The following CYTH2 variants were observed in gnomAD, a reference collection of about 807,000 sequenced individuals.
CYTH2 encodes the protein cytohesin-2.
In CYTH2, 24 loss-of-function variants were observed where a neutral mutation model predicts 55.4. The observed-to-expected ratio is 0.43, with a 90% CI of 0.31 to 0.61. The LOEUF (loss-of-function observed/expected upper bound fraction) is 0.61. CYTH2 is among the 20% of genes least tolerant of loss of function. The probability of loss-of-function intolerance (pLI) is 0.08; values close to 1 mark genes in which losing one functional copy is unlikely to be tolerated. For synonymous variants in CYTH2, 221 were observed against 209.6 expected (o/e 1.05, Z -0.47); for missense variants, 378 against 533.5 (o/e 0.71, Z 2.87).
chr19:48,471,357 G>C (rs1971788956), intron 3 of CYTH2, among the ~76,000 whole-genome samples: 1 of 152,082 alleles, frequency 6.6e-6, no homozygotes, highest in Admixed American at 6.5e-5. Context: ...TCACCATGTT[G>C]GCCAGGCTGC....
Position 48,474,156 on chromosome 19 carries a change from G to A in CYTH2, c.548-26G>A, listed in dbSNP as rs181597580. 8.9e-5 allele frequency: 139 copies of A among 1,562,038 alleles called. No individual in the cohort carries two copies. Among genetic ancestry groups the A allele is most frequent in the Admixed American group, 2.4e-4 (13 of 53,588 alleles). On this transcript the variant is annotated intron_variant, in intron 6 of 11. Transcript: ENST00000452733. This position sits in a 1 kb window ranked among gnomAD's most constrained non-coding sequence, Gnocchi z 4.9. ...CACTGGGGACTGACATGCCTGGGTC[G>A]TCACCACCTGCCCTGTCCGGTGCAG... is the stretch of plus-strand genomic sequence containing the variant.
chr19:48,478,001 C>G, intron 8 of CYTH2, 68 bp from the exon 9 acceptor site: 1 of 1,327,190 alleles, frequency 7.5e-7, no homozygotes, highest in South Asian at 1.2e-5. Flanking sequence ...CTTCTCACGC[C>G]CCTCCCATCT....
intron 4 of CYTH2, 55 bp from the exon 5 acceptor site, chr19:48,473,243 C>T (rs1971840437): frequency 1.9e-6 from 3 of 1,587,700 alleles, no homozygotes; most frequent in Non-Finnish European, 2.6e-6. Flanking sequence ...TTGCCCTTTG[C>T]CCATTCCTGC....
intron 11 of CYTH2, 115 bp from the exon 12 acceptor site, chr19:48,479,008 C>G (rs575489134): frequency 6.1e-5 from 64 of 1,041,100 alleles, no homozygotes; most frequent in Admixed American, 3.6e-4. Flanking sequence ...GGCCTGGACT[C>G]CTGGGTCTGA....
rs564821308 is a variant in CYTH2 at position 48,480,246 on chromosome 19, A to G, written c.*1036A>G. ...TTGGGAGGTCCCATGTCACTCTCCC[A>G]TGCCCGCCTTTGAAGCTGAGGCGCT... On this transcript the variant is annotated 3_prime_UTR_variant, in exon 12 of 12. Transcript: ENST00000452733. The G allele has an allele frequency of 1.1e-4, 17 of 152,322 alleles. No individual in the cohort carries two copies. The highest frequency in any genetic ancestry group is 3.8e-4 in the African/African-American group (16 of 41,578). The allele number at this position is 152,322 out of a possible 1,614,324, so 9.4% of individuals were successfully genotyped here. A position where few individuals can be genotyped will look rare whatever the true frequency, so the allele number is the denominator to read the frequency against.
intron 5 of CYTH2, 179 bp downstream of exon 5, chr19:48,473,557 C>T: frequency 1.6e-6 from 1 of 641,882 alleles, no homozygotes; most frequent in Non-Finnish European, 2.7e-6. Flanking sequence ...TCAGGTATGG[C>T]TATATCCAGG....
chr19:48,480,083 A>C lies in CYTH2; in HGVS notation c.*873A>C, dbSNP rs143760463. 6.6e-6 allele frequency: 1 copy of C among 152,254 alleles called. No homozygotes were observed. Among genetic ancestry groups the C allele is most frequent in the African/African-American group, 2.4e-5 (1 of 41,466 alleles). 9.4% of individuals were successfully genotyped at this position (152,254 alleles called of 1,614,324 possible). ...CCAAAGAAATTCGAGGATCGCCTCT[A>C]TGAAGGTGAAGTCTTGGCATGTGGG... On this transcript the variant is annotated 3_prime_UTR_variant, in exon 12 of 12. Coordinates refer to ENST00000452733, the MANE Select transcript of CYTH2 (RefSeq NM_004228.7).
At chr19:48,472,689 A>C in intron 4 of CYTH2, 1 of 554,198 alleles carries the variant, frequency 1.8e-6, no homozygotes, top group Non-Finnish European at 3.3e-6. Context: ...GTGGGGAAGC[A>C]TCCATTTATG....
intron 5 of CYTH2, chr19:48,473,673 A>G: frequency 5.1e-6 from 3 of 592,642 alleles, no homozygotes; most frequent in Non-Finnish European, 9.0e-6. Flanking sequence ...GCCTCAACCA[A>G]CCCCCAGACC....
At chr19:48,469,554 G>T in intron 1 of CYTH2, 28 bp downstream of exon 1, 8 of 1,319,622 alleles carry the variant, frequency 6.1e-6, no homozygotes, top group Non-Finnish European at 7.8e-6. Flanking sequence ...GGGGTCGGCT[G>T]GGAGTTGCTG....
chr19:48,474,648 G>A lies in CYTH2; in HGVS notation c.697-190G>A, dbSNP rs770363162. Among the ~76,000 whole-genome samples, 2 of 151,848 alleles carry A rather than the reference G, an allele frequency of 1.3e-5. No homozygotes were observed. The highest frequency in any genetic ancestry group is 2.9e-5 in the Non-Finnish European group (2 of 67,954). Reference sequence around the variant, plus strand: ...AGCCGGCTCCTCCACCTATCACCAGGGCATCTCTTCTTTCCTCCGCCACCT... The same window carrying A: ...AGCCGGCTCCTCCACCTATCACCAGAGCATCTCTTCTTTCCTCCGCCACCT... On this transcript the variant is annotated intron_variant, in intron 7 of 11. Coordinates refer to ENST00000452733, the MANE Select transcript of CYTH2 (RefSeq NM_004228.7). This position sits in a 1 kb window ranked among gnomAD's most constrained non-coding sequence, Gnocchi z 4.9.
At chr19:48,470,330 T>C (rs916764427) in intron 1 of CYTH2, 23 bp from the exon 2 acceptor site, 13 of 1,590,540 alleles carry the variant, frequency 8.2e-6, no homozygotes, top group African/African-American at 1.3e-5. Context: ...CACTGACTTT[T>C]AAACCTTGAC....
intron 1 of CYTH2, 200 bp from the exon 2 acceptor site, chr19:48,470,153 C>G (rs1971760671): frequency 1.1e-6 from 1 of 873,036 alleles, no homozygotes; most frequent in East Asian, 2.5e-5. Flanking sequence ...CCCAATTCCC[C>G]TTGTCCCCCA....
In CYTH2 at chr19:48,473,320, C is replaced by T. The variant is rs1421089711; in HGVS notation, c.376C>T (p.Leu126Phe). Residue 126 changes from leucine to phenylalanine, a missense_variant, in exon 5 of 12, where the codon CTC becomes TTC. Leu to Phe is a conservative substitution (Grantham distance 22). Coordinates refer to ENST00000452733, the MANE Select transcript of CYTH2 (RefSeq NM_004228.7). ...GEREELNLAVLHAFVDLHEFT... is the reference protein window; with the variant it reads ...GEREELNLAVFHAFVDLHEFT... ...CAGGGAAGAACTGAACCTGGCAGTG[C>T]TCCATGCTTTTGTGGATCTGCATGA... 1 of 1,614,032 alleles carries T rather than the reference C, an allele frequency of 6.2e-7. No individual in the cohort carries two copies. Among genetic ancestry groups the T allele is most frequent in the African/African-American group, 1.3e-5 (1 of 74,926 alleles).
intron 3 of CYTH2, 89 bp downstream of exon 3, chr19:48,470,758 C>G: frequency 6.9e-7 from 1 of 1,439,274 alleles, no homozygotes; most frequent in Non-Finnish European, 9.7e-7. Context: ...GTGATGGTGC[C>G]GGGTCTATTC....
chr19:48,469,380 C>T lies in CYTH2; in HGVS notation c.-128C>T, dbSNP rs1275379138. On this transcript the variant is annotated 5_prime_UTR_variant, in exon 1 of 12. Coordinates refer to ENST00000452733, the MANE Select transcript of CYTH2 (RefSeq NM_004228.7). ...GGAAGAGTCTTTTCAGCGCTGAGGA[C>T]TGGCGCTGAGGAGGCGGCGGTGGCT... The T allele has an allele frequency of 1.0e-5, 11 of 1,086,564 alleles. No homozygotes were observed. The Admixed American group carries it at 2.1e-4, about 21-fold the overall frequency. 67.3% of individuals were successfully genotyped at this position (1,086,564 alleles called of 1,614,324 possible).
intron 8 of CYTH2, chr19:48,475,823 G>A: frequency 4.0e-6 from 1 of 251,158 alleles, no homozygotes; most frequent in Non-Finnish European, 8.3e-6. Context: ...AGAGCTACTG[G>A]CCTGGAGCCG....
chr19:48,472,954 TG>T (rs1487690266), intron 4 of CYTH2: 1 of 329,412 alleles, frequency 3.0e-6, no homozygotes, highest in Non-Finnish European at 5.8e-6. Context: ...GAAGCATCTC[TG>T]GATGTCTGGG....
rs752626109 is a variant in CYTH2, at chr19:48,469,451, G to C, written c.-57G>C. ...TCACCCGAGCCCGCGGGCCAACGCG[G>C]ATCCAGGCCCGACTGGCGGGACCGC... On this transcript the variant is annotated 5_prime_UTR_variant, in exon 1 of 12. Transcript: ENST00000452733. 3 of 1,320,066 alleles carry C rather than the reference G, an allele frequency of 2.3e-6. No homozygotes were observed. Among genetic ancestry groups the C allele is most frequent in the Non-Finnish European group, 2.9e-6 (3 of 1,026,284 alleles). The allele number at this position is 1,320,066 out of a possible 1,614,324, so 81.8% of individuals were successfully genotyped here.
Sources: allele counts gnomAD v4.1 joint callset (sites outside exome capture counted in the v4.1 genomes callset), GRCh38; gene constraint gnomAD v4.1.1; non-coding constraint Gnocchi (gnomAD v3.1); transcripts MANE v1.5; gene names NCBI Gene and HGNC (gene_info 2026-07-23, HGNC 2026-07-21).